CHST11: variants seen among roughly 807,000 people sequenced by gnomAD.
CHST11 encodes C4S-1.
In CHST11, 9 loss-of-function variants were observed where a neutral mutation model predicts 30.4. That is an observed-to-expected ratio of 0.30 (90% CI 0.18 to 0.52). The LOEUF is 0.52. Among genes scored for constraint, CHST11 ranks in the 20% least tolerant of loss-of-function variants. The probability of loss-of-function intolerance (pLI) is 0.97; values close to 1 mark genes in which losing one functional copy is unlikely to be tolerated. For synonymous variants in CHST11, 152 were observed against 187.8 expected (o/e 0.81, Z 1.56); for missense variants, 348 against 460.6 (o/e 0.76, Z 2.24).
intron 1 of CHST11, among the ~76,000 whole-genome samples, chr12:104,554,632 A>G (rs2038437336): frequency 6.6e-6 from 1 of 152,080 alleles, no homozygotes; most frequent in East Asian, 1.9e-4. Flanking sequence ...GCTGGGGAGG[A>G]TGGAGGAGGA....
chr12:104,684,032 G>A (rs939368343), intron 2 of CHST11, among the ~76,000 whole-genome samples: 1 of 152,172 alleles, frequency 6.6e-6, no homozygotes, highest in Non-Finnish European at 1.5e-5. Context: ...GCACACTGCT[G>A]GCAGAATAGT....
chr12:104,693,344 G>C (rs2039915375), intron 2 of CHST11, among the ~76,000 whole-genome samples: 1 of 152,222 alleles, frequency 6.6e-6, no homozygotes, highest in Non-Finnish European at 1.5e-5. Context: ...TTGGAACCCA[G>C]AGGCCATGCT....
intron 2 of CHST11, among the ~76,000 whole-genome samples, chr12:104,706,726 T>C (rs898108155): frequency 6.6e-6 from 1 of 152,150 alleles, no homozygotes; most frequent in African/African-American, 2.4e-5. Context: ...TCCCCTTCAT[T>C]CCTGAGCCTT....
intron 1 of CHST11, among the ~76,000 whole-genome samples, chr12:104,580,599 C>T (rs2038733461): frequency 6.6e-6 from 1 of 152,086 alleles, no homozygotes; most frequent in Non-Finnish European, 1.5e-5. Flanking sequence ...AGGATTGTGC[C>T]CCATGCAAAG....
At chr12:104,528,974 G>T (rs1592747729) in intron 1 of CHST11, among the ~76,000 whole-genome samples, 1 of 152,354 alleles carries the variant, frequency 6.6e-6, no homozygotes, top group East Asian at 1.9e-4. Flanking sequence ...CGCTGGGCAA[G>T]TAGGACCTCA....
chr12:104,557,486 A>G (rs753341508), intron 1 of CHST11, among the ~76,000 whole-genome samples: 8 of 151,888 alleles, frequency 5.3e-5, no homozygotes, highest in Non-Finnish European at 8.8e-5. Context: ...CCGGGCGGGG[A>G]CAGGAGAAGG....
intron 2 of CHST11, among the ~76,000 whole-genome samples, chr12:104,610,080 T>C (rs2039045185): frequency 8.9e-6 from 1 of 112,440 alleles, no homozygotes; most frequent in Non-Finnish European, 2.0e-5. Context: ...TGTGTGTGTG[T>C]GTGTGTGTGT....
chr12:104,470,615 C>T (rs187232687), intron 1 of CHST11, among the ~76,000 whole-genome samples: 1 of 152,316 alleles, frequency 6.6e-6, no homozygotes, highest in East Asian at 1.9e-4. Context: ...CAACAATGAC[C>T]ACTTACCAAA....
chr12:104,685,037 A>G (rs867409009), intron 2 of CHST11, among the ~76,000 whole-genome samples: 7 of 152,244 alleles, frequency 4.6e-5, no homozygotes, highest in South Asian at 4.1e-4. Flanking sequence ...CAAACTCTGC[A>G]TGGATTTTGT....
chr12:104,717,599 C>A (rs1471079838), intron 2 of CHST11, among the ~76,000 whole-genome samples: 2 of 152,098 alleles, frequency 1.3e-5, no homozygotes, highest in Admixed American at 6.5e-5. Flanking sequence ...TAGTGAAACC[C>A]CGTCTTTACT....
At chr12:104,738,417 C>A (rs1053194345) in intron 2 of CHST11, among the ~76,000 whole-genome samples, 3 of 152,212 alleles carry the variant, frequency 2.0e-5, no homozygotes, top group Non-Finnish European at 4.4e-5. Context: ...AAAATCATTC[C>A]CTGCTCTCCC....
intron 2 of CHST11, among the ~76,000 whole-genome samples, chr12:104,653,794 C>A (rs764591416): frequency 6.6e-6 from 1 of 152,170 alleles, no homozygotes; most frequent in Non-Finnish European, 1.5e-5. Flanking sequence ...AGTGACCTCC[C>A]GAGATCATGT....
intron 1 of CHST11, among the ~76,000 whole-genome samples, chr12:104,503,857 A>G (rs2037876185): frequency 6.6e-6 from 1 of 152,224 alleles, no homozygotes; most frequent in South Asian, 2.1e-4. Flanking sequence ...GAATGAATGC[A>G]TGAGGACTTA....
chr12:104,566,292 C>G (rs1026445128), intron 1 of CHST11, among the ~76,000 whole-genome samples: 3 of 152,150 alleles, frequency 2.0e-5, no homozygotes, highest in African/African-American at 7.2e-5. Context: ...ATCTCAAAGT[C>G]TATTCCAGTC....
chr12:104,551,039 C>T (rs929793428), intron 1 of CHST11, among the ~76,000 whole-genome samples: 4 of 152,284 alleles, frequency 2.6e-5, no homozygotes, highest in Non-Finnish European at 4.4e-5. Context: ...AGACACACTA[C>T]AGCTTATTTC....
At chr12:104,756,271 C>A (rs1173007009) in intron 2 of CHST11, among the ~76,000 whole-genome samples, 1 of 152,206 alleles carries the variant, frequency 6.6e-6, no homozygotes, top group Non-Finnish European at 1.5e-5. Context: ...GGTGGCAGAG[C>A]AGGCAGAGTG....
At chr12:104,525,895 T>G (rs1365611376) in intron 1 of CHST11, among the ~76,000 whole-genome samples, 2 of 138,274 alleles carry the variant, frequency 1.4e-5, no homozygotes, top group African/African-American at 5.5e-5. Flanking sequence ...AGCTGTTTTT[T>G]GCAGTTCAAG....
chr12:104,515,885 G>A (rs139901485), intron 1 of CHST11, among the ~76,000 whole-genome samples: 18 of 152,232 alleles, frequency 1.2e-4, no homozygotes, highest in African/African-American at 3.6e-4. Flanking sequence ...AAGCATTGGA[G>A]ATGGTCAAAG....
chr12:104,464,106 C>T (rs571663948), intron 1 of CHST11, among the ~76,000 whole-genome samples: 1 of 145,540 alleles, frequency 6.9e-6, no homozygotes, highest in Non-Finnish European at 1.5e-5. Flanking sequence ...CTTGCTCTGT[C>T]ACCTAGGCTG....
Sources: gnomAD v4.1 joint callset for allele counts (sites outside exome capture counted in the v4.1 genomes callset) on GRCh38, gnomAD v4.1.1 for gene constraint, MANE v1.5 for transcripts, NCBI Gene and HGNC (gene_info 2026-07-23, HGNC 2026-07-21) for gene names.